Variants in ZC3H11A observed in about 807,000 individuals in gnomAD.
ZC3H11A encodes zinc finger CCCH domain-containing protein 11A.
ZC3H11A carries 22 observed loss-of-function variants against 90.8 expected under a neutral mutation model. The ratio of observed to expected loss-of-function variants is 0.24; its 90% confidence interval spans 0.17 to 0.35. The LOEUF (loss-of-function observed/expected upper bound fraction) is 0.35. ZC3H11A is among the 10% of genes least tolerant of loss of function. The pLI, the probability that ZC3H11A is intolerant of heterozygous loss-of-function variation, is 1.00. For synonymous variants in ZC3H11A, 294 were observed against 339.8 expected (o/e 0.87, Z 1.48); for missense variants, 701 against 964.9 (o/e 0.73, Z 3.62).
rs774900727 is a variant in ZC3H11A at position 203,848,306 on chromosome 1, AATG to A, written c.1547-21_1547-19del. 1.9e-6 allele frequency: 3 copies of A among 1,577,264 alleles called. No individual in the cohort carries two copies. The South Asian group carries it at 3.5e-5, about 18-fold the overall frequency. On this transcript the variant is annotated intron_variant, in intron 13 of 17. Coordinates refer to ENST00000367210, the MANE Select transcript of ZC3H11A (RefSeq NM_001376342.1). The stretch of plus-strand genomic sequence containing the variant: ...AAGTTGCAGCTTAAATAAAATAACT[AATG>A]ATGTCTTTAATGTGAATACAGGGAT...
rs1323723732 is a variant in ZC3H11A at position 203,799,397 on chromosome 1, A to G, written c.-1587-2178A>G. 4.3e-6 allele frequency: 3 copies of G among 703,112 alleles called. No homozygotes were observed. The East Asian group carries it at 8.0e-5, about 19-fold the overall frequency. 43.6% of individuals were successfully genotyped at this position (703,112 alleles called of 1,614,324 possible). On this transcript the variant is annotated intron_variant, in intron 1 of 17. Coordinates refer to ENST00000367210, the MANE Select transcript of ZC3H11A (RefSeq NM_001376342.1). ...GTCATTCGGTCAAGGCCCGTCAGAT[A>G]CTGCAAGAGTTCCAAAATGATCACC...
At chr1:203,829,268 T>C (rs1207767606) in intron 5 of ZC3H11A, 183 bp from the exon 6 acceptor site, 1 of 627,060 alleles carries the variant, frequency 1.6e-6, no homozygotes, top group African/African-American at 1.8e-5. Context: ...GGAGAGTTAG[T>C]GGAGAGTTAA....
chr1:203,852,432 C>G lies in ZC3H11A; in HGVS notation c.*33C>G, dbSNP rs909652446. ...AGTGAGGACACTTTAAAAAAAAAAT[C>G]GCCAAAAAACTGGACTTAGTTTCAT... On this transcript the variant is annotated 3_prime_UTR_variant, in exon 18 of 18. Transcript: ENST00000367210. 1 of 1,601,248 alleles carries G rather than the reference C, an allele frequency of 6.2e-7. No homozygotes were observed. Among genetic ancestry groups the G allele is most frequent in the African/African-American group, 1.4e-5 (1 of 73,296 alleles).
chr1:203,800,630 T>C (rs1312269201), intron 1 of ZC3H11A: 9 of 594,902 alleles, frequency 1.5e-5, no homozygotes, highest in East Asian at 3.2e-5. Flanking sequence ...AAAATGAAGA[T>C]TAAAGATTTC....
intron 4 of ZC3H11A, among the ~76,000 whole-genome samples, chr1:203,821,451 G>C (rs1369601440): frequency 6.6e-6 from 1 of 152,118 alleles, no homozygotes; most frequent in African/African-American, 2.4e-5. Flanking sequence ...GATTGACCCA[G>C]ATTTGGCAAG....
intron 11 of ZC3H11A, 44 bp from the exon 12 acceptor site, chr1:203,840,262 G>C: frequency 6.3e-7 from 1 of 1,592,132 alleles, no homozygotes; most frequent in South Asian, 1.1e-5. Context: ...GCTGTAAAAA[G>C]TTTCTGTTCA....
Position 203,830,182 on chromosome 1 carries a change from G to GA in ZC3H11A, c.684dup (p.Ser229IlefsTer2). On this transcript the variant is annotated frameshift_variant, in exon 8 of 18. Coordinates refer to ENST00000367210, the MANE Select transcript of ZC3H11A (RefSeq NM_001376342.1). LOFTEE classifies it high-confidence loss of function. Reference sequence around the variant, plus strand: ...GGAAATTAAGTCAAAGAAAATGAAGGAAAAATCTAAGAAGCAAGGTGGTAA... The same window carrying GA: ...GGAAATTAAGTCAAAGAAAATGAAGGAAAAAATCTAAGAAGCAAGGTGGTAA... The GA allele has an allele frequency of 6.2e-7, 1 of 1,600,488 alleles. No individual in the cohort carries two copies. Among genetic ancestry groups the GA allele is most frequent in the South Asian group, 1.1e-5 (1 of 88,968 alleles).
At chr1:203,807,945 T>A (rs1204360612) in intron 2 of ZC3H11A, among the ~76,000 whole-genome samples, 1 of 152,110 alleles carries the variant, frequency 6.6e-6, no homozygotes, top group Non-Finnish European at 1.5e-5. Context: ...TCTCATTATG[T>A]TGCCCAGGCT....
chr1:203,796,639 A>G (rs939248078), intron 1 of ZC3H11A: 12 of 394,714 alleles, frequency 3.0e-5, no homozygotes, highest in African/African-American at 1.9e-4. Flanking sequence ...GGGAGGGATC[A>G]ATCGAAAAAT....
chr1:203,842,342 A>C (rs1395627171), intron 12 of ZC3H11A, among the ~76,000 whole-genome samples: 1 of 152,192 alleles, frequency 6.6e-6, no homozygotes, highest in Non-Finnish European at 1.5e-5. Context: ...TCCGTCTGCA[A>C]TCCCGGCACC....
intron 10 of ZC3H11A, among the ~76,000 whole-genome samples, chr1:203,837,710 T>G (rs1166508196): frequency 6.6e-6 from 1 of 152,144 alleles, no homozygotes; most frequent in African/African-American, 2.4e-5. Flanking sequence ...ACTCCTGGCC[T>G]TAAGTGATCC....
intron 12 of ZC3H11A, among the ~76,000 whole-genome samples, chr1:203,845,108 C>T (rs1438916218): frequency 6.6e-6 from 1 of 152,084 alleles, no homozygotes; most frequent in African/African-American, 2.4e-5. Context: ...ACAGAACTCA[C>T]GCCTATGGTT....
At chr1:203,798,797 C>G in intron 1 of ZC3H11A, 2 of 1,536,158 alleles carry the variant, frequency 1.3e-6, no homozygotes, top group East Asian at 2.4e-5. Flanking sequence ...TGCATCCTTA[C>G]AACTATTTCT....
chr1:203,850,816 ACTG>A, intron 16 of ZC3H11A, 135 bp downstream of exon 16: 1 of 1,309,676 alleles, frequency 7.6e-7, no homozygotes, highest in Non-Finnish European at 1.0e-6. Flanking sequence ...TTGGGTTACT[ACTG>A]TATTTTATAC....
chr1:203,833,967 G>A (rs890203754), intron 10 of ZC3H11A, 114 bp downstream of exon 10: 8 of 1,407,168 alleles, frequency 5.7e-6, no homozygotes, highest in Non-Finnish European at 7.4e-6. Context: ...TGTATTGGCT[G>A]AAAGCACTTA....
intron 8 of ZC3H11A, among the ~76,000 whole-genome samples, chr1:203,831,314 AAATAG>A (rs2103036793): frequency 6.6e-6 from 1 of 152,256 alleles, no homozygotes; most frequent in South Asian, 2.1e-4. Flanking sequence ...TCAGATGATT[AAATAG>A]AATAGGTTGG....
chr1:203,832,484 C>T (rs374487753), intron 9 of ZC3H11A, among the ~76,000 whole-genome samples: 14 of 152,088 alleles, frequency 9.2e-5, no homozygotes, highest in Admixed American at 3.3e-4. Context: ...CTTCAGCCTC[C>T]CCAGTAGCTG....
intron 7 of ZC3H11A, 53 bp from the exon 8 acceptor site, chr1:203,830,070 T>G: frequency 3.4e-6 from 5 of 1,455,546 alleles, no homozygotes; most frequent in Non-Finnish European, 4.8e-6. Flanking sequence ...ACAGATAAAA[T>G]ACAAAGATGA....
At chr1:203,800,423 T>G (rs1177094940) in intron 1 of ZC3H11A, 1 of 1,364,746 alleles carries the variant, frequency 7.3e-7, no homozygotes, top group Non-Finnish European at 1.0e-6. Flanking sequence ...CTGAGCAGAA[T>G]GAAGTTGTTC....
Sources: allele counts gnomAD v4.1 joint callset (sites outside exome capture counted in the v4.1 genomes callset), GRCh38; gene constraint gnomAD v4.1.1; transcripts MANE v1.5; gene names NCBI Gene and HGNC (gene_info 2026-07-23, HGNC 2026-07-21).